The following ABI1 variants were observed in gnomAD, a reference collection of about 807,000 sequenced individuals.
ABI1 encodes abl interactor 1.
ABI1 carries 14 observed loss-of-function variants against 54.6 expected under a neutral mutation model. The ratio of observed to expected loss-of-function variants is 0.26; its 90% CI spans 0.17 to 0.40. ABI1 has a LOEUF of 0.40. Among genes scored for constraint, ABI1 ranks in the 10% least tolerant of loss-of-function variants. ABI1 has a pLI of 1.00. For missense variants in ABI1, 443 were observed against 598.3 expected, an observed-to-expected ratio of 0.74 and a Z score of 2.71; for synonymous variants, 194 against 209.3, an observed-to-expected ratio of 0.93 and a Z score of 0.63.
At chr10:26,832,585 AAAAAT>A (rs1242532651) in intron 1 of ABI1, among the ~76,000 whole-genome samples, 2 of 152,108 alleles carry the variant, frequency 1.3e-5, no homozygotes, top group African/African-American at 4.8e-5. Flanking sequence ...CTCCATCTCA[AAAAAT>A]AAAATAAAAT....
At chr10:26,805,687 AAAAG>A (rs1354466026) in intron 2 of ABI1, among the ~76,000 whole-genome samples, 2 of 152,212 alleles carry the variant, frequency 1.3e-5, no homozygotes, top group African/African-American at 4.8e-5. Flanking sequence ...TCCAATTTCC[AAAAG>A]ATACTGCCTT....
intron 2 of ABI1, among the ~76,000 whole-genome samples, chr10:26,820,230 C>T (rs551985902): frequency 6.6e-6 from 1 of 152,252 alleles, no homozygotes; most frequent in Non-Finnish European, 1.5e-5. Flanking sequence ...GATAGATATG[C>T]TAGTCAGCTT....
intron 9 of ABI1, among the ~76,000 whole-genome samples, chr10:26,755,226 G>C (rs146865988): frequency 6.6e-6 from 1 of 152,026 alleles, no homozygotes; most frequent in Non-Finnish European, 1.5e-5. Flanking sequence ...TGAAATTAAG[G>C]GGGGAAAATC....
At chr10:26,837,267 T>G (rs10829089) in intron 1 of ABI1, among the ~76,000 whole-genome samples, 1 of 152,198 alleles carries the variant, frequency 6.6e-6, no homozygotes, top group South Asian at 2.1e-4. Flanking sequence ...GGATTTCTTC[T>G]TGGCTTGCAG....
At chr10:26,836,302 A>G (rs539348781) in intron 1 of ABI1, among the ~76,000 whole-genome samples, 14 of 151,044 alleles carry the variant, frequency 9.3e-5, no homozygotes, top group South Asian at 6.3e-4. Context: ...TAGTAGAGAC[A>G]GGGTTTCACC....
intron 1 of ABI1, among the ~76,000 whole-genome samples, chr10:26,838,946 G>A (rs550508217): frequency 1.3e-5 from 2 of 152,252 alleles, no homozygotes; most frequent in East Asian, 3.9e-4. Context: ...TTCTAATGTG[G>A]CCTCTATGAT....
chr10:26,773,212 A>ATTTTTTTTTTTTTTTTTTTTTTTTTTT (rs1342694391), intron 3 of ABI1, among the ~76,000 whole-genome samples: 5 of 63,338 alleles, frequency 7.9e-5, no homozygotes, highest in East Asian at 6.5e-4. Context: ...TCTAATGCTA[A>ATTTTTTTTTTTTTTTTTTTTTTTTTTT]TTCTTTTTTT....
intron 5 of ABI1, among the ~76,000 whole-genome samples, 158 bp downstream of exon 5, chr10:26,770,087 G>C (rs897327985): frequency 6.6e-6 from 1 of 152,196 alleles, no homozygotes; most frequent in Admixed American, 6.5e-5. Context: ...ATTCATTTGG[G>C]ATTCTGTTCA....
Position 26,860,626 on chromosome 10 carries a change from T to G in ABI1, c.117+121A>C. ...GTTGGGGCTGGGGTTGGGGCTGCGG[T>G]AGGGGCTCGGGTTGGTGGCAGCCGC... is the stretch of plus-strand genomic sequence containing the variant. On this transcript the variant is annotated intron_variant, in intron 1 of 10. Transcript: ENST00000376140. The surrounding 1 kb of genome is among the most constrained non-coding windows in gnomAD (Gnocchi z 4.1). 1.3e-6 allele frequency: 1 copy of G among 762,316 alleles called. No homozygotes were observed. The highest frequency in any genetic ancestry group is 2.2e-6 in the Non-Finnish European group (1 of 445,052). 47.2% of individuals were successfully genotyped at this position (762,316 alleles called of 1,614,324 possible).
chr10:26,817,459 A>T (rs1427043730), intron 2 of ABI1, among the ~76,000 whole-genome samples: 1 of 152,210 alleles, frequency 6.6e-6, no homozygotes, highest in Non-Finnish European at 1.5e-5. Context: ...AAATCTAAAA[A>T]GGCAACAGGA....
chr10:26,852,695 T>C (rs1478967936), intron 1 of ABI1, among the ~76,000 whole-genome samples: 2 of 152,144 alleles, frequency 1.3e-5, no homozygotes, highest in Non-Finnish European at 2.9e-5. Context: ...TCAAAGAATG[T>C]AGAAATTATT....
chr10:26,800,184 GA>G (rs2046454881), intron 2 of ABI1, among the ~76,000 whole-genome samples: 1 of 152,010 alleles, frequency 6.6e-6, no homozygotes, highest in African/African-American at 2.4e-5. Context: ...AGGAGTTCAA[GA>G]CCAGCCTGGC....
intron 2 of ABI1, among the ~76,000 whole-genome samples, chr10:26,798,475 G>C (rs2046343364): frequency 6.6e-6 from 1 of 152,034 alleles, no homozygotes; most frequent in Non-Finnish European, 1.5e-5. Flanking sequence ...GCCTCTAGAA[G>C]CTGAAAAAAG....
chr10:26,858,640 A>C (rs776493837), intron 1 of ABI1, among the ~76,000 whole-genome samples: 6 of 151,618 alleles, frequency 4.0e-5, no homozygotes, highest in Non-Finnish European at 8.8e-5. Flanking sequence ...GAAAAATAAC[A>C]TGACTTAATT....
chr10:26,834,188 C>A (rs2048873690), intron 1 of ABI1, among the ~76,000 whole-genome samples: 1 of 152,026 alleles, frequency 6.6e-6, no homozygotes, highest in East Asian at 1.9e-4. Context: ...TGAGACCACG[C>A]CACTGCACTC....
intron 10 of ABI1, among the ~76,000 whole-genome samples, chr10:26,750,947 C>G (rs889097092): frequency 3.3e-5 from 5 of 152,118 alleles, no homozygotes; most frequent in Non-Finnish European, 5.9e-5. Flanking sequence ...CTAATTGAAA[C>G]CTTAATTGAG....
intron 2 of ABI1, among the ~76,000 whole-genome samples, chr10:26,822,707 G>T (rs182454503): frequency 6.6e-6 from 1 of 152,268 alleles, no homozygotes; most frequent in African/African-American, 2.4e-5. Flanking sequence ...AAGAGGGAGG[G>T]ATTACGTAGG....
At chr10:26,773,544 C>T (rs1177132682) in intron 3 of ABI1, among the ~76,000 whole-genome samples, 2 of 151,928 alleles carry the variant, frequency 1.3e-5, no homozygotes, top group Non-Finnish European at 2.9e-5. Flanking sequence ...CACTCCTCTG[C>T]TTTATAAAAT....
intron 2 of ABI1, among the ~76,000 whole-genome samples, chr10:26,813,872 T>C (rs551181705): frequency 6.6e-6 from 1 of 152,320 alleles, no homozygotes; most frequent in Non-Finnish European, 1.5e-5. Flanking sequence ...ACTTTTTAAA[T>C]TTGTTTGAAT....
Sources: allele counts gnomAD v4.1 joint callset (sites outside exome capture counted in the v4.1 genomes callset), GRCh38; gene constraint gnomAD v4.1.1; non-coding constraint Gnocchi (gnomAD v3.1); transcripts MANE v1.5; gene names NCBI Gene and HGNC (gene_info 2026-07-23, HGNC 2026-07-21).